Variants in NOS1 observed in about 807,000 individuals in gnomAD.
NOS1 encodes nitric oxide synthase 1, also known as NOS type I.
NOS1 carries 51 observed loss-of-function variants against 164.5 expected under a neutral mutation model. The ratio of observed to expected loss-of-function variants is 0.31; its 90% CI spans 0.25 to 0.39. The LOEUF (loss-of-function observed/expected upper bound fraction) is 0.39. Among genes scored for constraint, NOS1 ranks in the 10% least tolerant of loss-of-function variants. The pLI is 1.00. For synonymous variants in NOS1, 719 were observed against 745.8 expected (o/e 0.96, Z 0.59); for missense variants, 1,362 against 1,885.6 (o/e 0.72, Z 5.14).
chr12:117,322,017 CCTCT>C lies in NOS1; in HGVS notation c.725+8324_725+8327del, dbSNP rs556862676. On this transcript the variant is annotated intron_variant, in intron 2 of 28. Coordinates refer to ENST00000317775, the MANE Select transcript of NOS1 (RefSeq NM_000620.5). ...CCCTCCCTCTCTCCTTCCTTCCCTC[CCTCT>C]CTCCTTCCTTTCCTCCTTCTCTCCT... Among the ~76,000 whole-genome samples, 105 of 51,416 alleles carry C rather than the reference CCTCT, an allele frequency of 2.0e-3. 2 individuals are homozygous for C. The Admixed American group carries it at 0.022, about 11-fold the overall frequency. 33.7% of individuals were successfully genotyped at this position (51,416 alleles called of 152,430 possible).
intron 17 of NOS1, among the ~76,000 whole-genome samples, chr12:117,250,679 T>C (rs1871030304): frequency 6.6e-6 from 1 of 152,104 alleles, no homozygotes; most frequent in Admixed American, 6.6e-5. Flanking sequence ...ACATTACCCT[T>C]TTCTTGCAGG....
At chr12:117,250,114 G>A (rs143274660) in intron 17 of NOS1, among the ~76,000 whole-genome samples, 1,657 of 152,210 alleles carry the variant, frequency 0.011, 13 homozygotes, top group Middle Eastern at 0.017. Context: ...GGTAGGAGAA[G>A]TTGGAAAGGC....
intron 23 of NOS1, 139 bp downstream of exon 23, chr12:117,227,292 C>T (rs1868781045): frequency 5.1e-6 from 4 of 777,180 alleles, no homozygotes; most frequent in African/African-American, 1.7e-5. Context: ...GCTGCTTCTT[C>T]CCCCAGCTTT....
intron 2 of NOS1, among the ~76,000 whole-genome samples, chr12:117,313,159 A>G (rs1179540373): frequency 1.3e-5 from 2 of 151,976 alleles, no homozygotes; most frequent in Non-Finnish European, 2.9e-5. Context: ...TCAGGACCAC[A>G]CCAGCATCTT....
Position 117,209,004 on chromosome 12 carries a change from T to A in NOS1, c.*6305A>T. The A allele has an allele frequency of 1.0e-6, 1 of 980,372 alleles. No homozygotes were observed. The highest frequency in any genetic ancestry group is 1.2e-6 in the Non-Finnish European group (1 of 825,622). The allele number at this position is 980,372 out of a possible 1,614,324, so 60.7% of individuals were successfully genotyped here. On this transcript the variant is annotated 3_prime_UTR_variant, in exon 29 of 29. Coordinates refer to ENST00000317775, the MANE Select transcript of NOS1 (RefSeq NM_000620.5). ...TCCCAAAGTCCTGTGATTACAGGCA[T>A]GAGCCACCACGCCTGGCCTGGGAGG...
chr12:117,209,819 T>G lies in NOS1; in HGVS notation c.*5490A>C. The G allele has an allele frequency of 6.1e-6, 6 of 985,460 alleles. No individual in the cohort carries two copies. Among genetic ancestry groups the G allele is most frequent in the Non-Finnish European group, 7.2e-6 (6 of 829,976 alleles). The allele number at this position is 985,460 out of a possible 1,614,324, so 61.0% of individuals were successfully genotyped here. On this transcript the variant is annotated 3_prime_UTR_variant, in exon 29 of 29. Transcript: ENST00000317775. The stretch of plus-strand genomic sequence containing the variant: ...GCAGGGACTGGCAGTGGGCCAAGGA[T>G]AGGGAGTGTGAGATAAAGGGCAGAG...
At chr12:117,309,405 T>C (rs7298903) in intron 3 of NOS1, 125,287 of 983,844 alleles carry the variant, frequency 0.13, 8,483 homozygotes, top group East Asian at 0.26. Flanking sequence ...TGTCTCATCC[T>C]CCCCGCTGAA....
intron 7 of NOS1, among the ~76,000 whole-genome samples, chr12:117,284,291 A>G (rs1873925187): frequency 6.6e-6 from 1 of 152,154 alleles, no homozygotes; most frequent in Non-Finnish European, 1.5e-5. Flanking sequence ...CAGAGTCAAC[A>G]AGTGTAGCCG....
Position 117,346,584 on chromosome 12 carries a change from AC to A in NOS1, c.-421+14927del, listed in dbSNP as rs1876361680. On this transcript the variant is annotated intron_variant, in intron 1 of 28. Coordinates refer to ENST00000317775, the MANE Select transcript of NOS1 (RefSeq NM_000620.5). ...GATGAACATGGTCTAATGCTTTGCT[AC>A]CCAAAGCGTGGTCCATGCACCAGCA... Among the ~76,000 whole-genome samples, 2 of 152,188 alleles carry A rather than the reference AC, an allele frequency of 1.3e-5. 1 individual carries two copies. Among genetic ancestry groups the A allele is most frequent in the South Asian group, 4.1e-4 (2 of 4,820 alleles).
intron 7 of NOS1, among the ~76,000 whole-genome samples, chr12:117,283,056 A>ATATATATATTTT (rs1360367568): frequency 5.4e-5 from 5 of 92,954 alleles, no homozygotes; most frequent in African/African-American, 1.8e-4. Context: ...ATATATATAT[A>ATATATATATTTT]TTTTTTTTTT....
Position 117,220,298 on chromosome 12 carries a change from G to T in NOS1, c.3976-29C>A. 3 of 1,573,042 alleles carry T rather than the reference G, an allele frequency of 1.9e-6. 1 individual carries two copies. The highest frequency in any genetic ancestry group is 2.3e-5 in the South Asian group (2 of 85,140). On this transcript the variant is annotated intron_variant, in intron 26 of 28. Coordinates refer to ENST00000317775, the MANE Select transcript of NOS1 (RefSeq NM_000620.5). ...CAAGGAGCAGAGAGCAGTGAGAAGGGGCTGGGCTGTGCAACGTGCCTGCCA... is the reference window on the plus strand; with the variant it reads ...CAAGGAGCAGAGAGCAGTGAGAAGGTGCTGGGCTGTGCAACGTGCCTGCCA...
At chr12:117,252,321 A>G (rs1160909100) in intron 17 of NOS1, among the ~76,000 whole-genome samples, 2 of 152,194 alleles carry the variant, frequency 1.3e-5, no homozygotes, top group African/African-American at 2.4e-5. Flanking sequence ...ACAAATGTTC[A>G]TTGGTAAGAA....
chr12:117,254,389 G>A (rs1364155985), intron 16 of NOS1, among the ~76,000 whole-genome samples: 1 of 152,236 alleles, frequency 6.6e-6, no homozygotes, highest in Non-Finnish European at 1.5e-5. Context: ...TTACAGGTGT[G>A]AGCCACTGCA....
intron 10 of NOS1, among the ~76,000 whole-genome samples, chr12:117,268,999 T>C (rs1872620155): frequency 6.6e-6 from 1 of 152,170 alleles, no homozygotes; most frequent in Non-Finnish European, 1.5e-5. Context: ...AGCAGGAAAC[T>C]AGAGACTCGG....
chr12:117,290,476 G>A, intron 3 of NOS1, 50 bp from the exon 4 acceptor site: 1 of 1,565,994 alleles, frequency 6.4e-7, no homozygotes, highest in Non-Finnish European at 8.7e-7. Flanking sequence ...TGAGTGGACT[G>A]TAACATTGTC....
chr12:117,278,688 A>G (rs1215135954), intron 8 of NOS1, among the ~76,000 whole-genome samples: 1 of 152,046 alleles, frequency 6.6e-6, no homozygotes, highest in Non-Finnish European at 1.5e-5. Context: ...TAGAAAAAAA[A>G]AACAACTGGT....
rs114569353 is a variant in NOS1, at chr12:117,299,268, T to C, written c.853-8842A>G. On this transcript the variant is annotated intron_variant, in intron 3 of 28. Transcript: ENST00000317775. ...AACTTAACCAAGTGTATTTAGTACT[T>C]TGGAATATAATTTCCTTTAGTGTAT... is the stretch of plus-strand genomic sequence containing the variant. Among the ~76,000 whole-genome samples, 456 of 152,362 alleles carry C rather than the reference T, an allele frequency of 3.0e-3. 1 individual carries two copies. The highest frequency in any genetic ancestry group is 0.01 in the African/African-American group (427 of 41,588).
chr12:117,352,651 A>G (rs898822038), intron 1 of NOS1, among the ~76,000 whole-genome samples: 16 of 152,134 alleles, frequency 1.1e-4, no homozygotes, highest in Non-Finnish European at 2.4e-4. Flanking sequence ...GTAAAGAGAA[A>G]CTGCCATGAA....
At position 117,214,947 on chromosome 12, in the gene NOS1, TG is replaced by T. The variant is rs1003768925; in HGVS notation, c.*361del. Reference sequence around the variant, plus strand: ...CTGAGGGACTGGCTCAGAGAGCTTGTGCCTAGTTCCTGCAGCCTTTCCAGGG... The same window carrying T: ...CTGAGGGACTGGCTCAGAGAGCTTGTCCTAGTTCCTGCAGCCTTTCCAGGG... On this transcript the variant is annotated 3_prime_UTR_variant, in exon 29 of 29. Transcript: ENST00000317775. The T allele has an allele frequency of 8.5e-6, 9 of 1,053,864 alleles. No homozygotes were observed. In the African/African-American group the frequency reaches 1.5e-4, roughly 18 times the overall value. The allele number at this position is 1,053,864 out of a possible 1,614,324, so 65.3% of individuals were successfully genotyped here.
Sources: gnomAD v4.1 joint callset for allele counts (sites outside exome capture counted in the v4.1 genomes callset) on GRCh38, gnomAD v4.1.1 for gene constraint, MANE v1.5 for transcripts, NCBI Gene and HGNC (gene_info 2026-07-23, HGNC 2026-07-21) for gene names.